CATSPERE: variants seen among roughly 807,000 people sequenced by gnomAD.
CATSPERE encodes cation channel sperm-associated auxiliary subunit epsilon.
CATSPERE carries 93 observed loss-of-function variants against 114.1 expected under a neutral mutation model. The ratio of observed to expected loss-of-function variants is 0.81; its 90% CI spans 0.69 to 0.97. The LOEUF (loss-of-function observed/expected upper bound fraction) is 0.97, where lower values mean the gene tolerates loss of function less well. Ranked by LOEUF, CATSPERE falls within the 50% of genes least tolerant of loss-of-function variation. CATSPERE has a pLI of 0.00. For synonymous variants in CATSPERE, 341 were observed against 384.1 expected (o/e 0.89, Z 1.31); for missense variants, 1,058 against 1,131.6 (o/e 0.93, Z 0.93).
chr1:244,551,489 C>G (rs1660619775), intron 8 of CATSPERE, among the ~76,000 whole-genome samples: 1 of 152,064 alleles, frequency 6.6e-6, no homozygotes, highest in Non-Finnish European at 1.5e-5. Context: ...AGAACTGGTT[C>G]AATAGTAAGC....
At position 244,639,980 on chromosome 1, in the gene CATSPERE, T is replaced by G; in HGVS notation, c.2755T>G (p.Phe919Val). The change falls in exon 22 of 22, where the codon TTC (phenylalanine) becomes GTC (valine). Residue 919 changes from phenylalanine (F) to valine (V), a missense_variant. Phe to Val is a conservative substitution (Grantham distance 50). This residue lies in a region of CATSPERE where 787 missense variants were observed against 905.6 expected (regional missense o/e 0.87). Transcript: ENST00000366534. ...SFLFVLMLLF[F>V]TILVLSYFRY... ...CCTCTTCGTCCTGATGCTGCTCTTC[T>G]TCACTATTCTTGTTTTGAGCTACTT... is the stretch of plus-strand genomic sequence containing the variant. 4 of 1,551,362 alleles carry G rather than the reference T, an allele frequency of 2.6e-6. No homozygotes were observed. Among genetic ancestry groups the G allele is most frequent in the Non-Finnish European group, 3.5e-6 (4 of 1,146,876 alleles).
intron 2 of CATSPERE, among the ~76,000 whole-genome samples, chr1:244,464,849 T>C (rs1242603763): frequency 6.6e-6 from 1 of 152,166 alleles, no homozygotes. Context: ...TGCCTTTTTC[T>C]TACTCGTTAA....
intron 8 of CATSPERE, among the ~76,000 whole-genome samples, chr1:244,529,118 T>G (rs1679191698): frequency 6.6e-6 from 1 of 152,244 alleles, no homozygotes; most frequent in Non-Finnish European, 1.5e-5. Flanking sequence ...TTGACTATTA[T>G]GAATTATGCT....
intron 5 of CATSPERE, among the ~76,000 whole-genome samples, chr1:244,489,111 T>G (rs371854426): frequency 6.6e-6 from 1 of 152,124 alleles, no homozygotes; most frequent in African/African-American, 2.4e-5. Flanking sequence ...AACATACAAA[T>G]GAATATTAGT....
chr1:244,574,413 G>A (rs1437078497), intron 11 of CATSPERE, among the ~76,000 whole-genome samples: 1 of 152,144 alleles, frequency 6.6e-6, no homozygotes, highest in African/African-American at 2.4e-5. Flanking sequence ...AAGGAAGTTA[G>A]TCTTTAAAAG....
At chr1:244,605,203 T>C (rs1020093447) in intron 17 of CATSPERE, among the ~76,000 whole-genome samples, 1 of 152,168 alleles carries the variant, frequency 6.6e-6, no homozygotes, top group African/African-American at 2.4e-5. Flanking sequence ...TAGTACATAA[T>C]AGGCAGCAAA....
chr1:244,544,300 G>A (rs1205853285), intron 8 of CATSPERE, among the ~76,000 whole-genome samples: 1 of 152,124 alleles, frequency 6.6e-6, no homozygotes, highest in African/African-American at 2.4e-5. Context: ...CAGATTACTG[G>A]CCACTGGCTC....
At chr1:244,585,077 A>G (rs1666842439) in intron 13 of CATSPERE, among the ~76,000 whole-genome samples, 1 of 143,024 alleles carries the variant, frequency 7.0e-6, no homozygotes, top group Non-Finnish European at 1.5e-5. Context: ...AGAATTTTTT[A>G]GGGATCCCTA....
chr1:244,635,701 AT>A (rs1174407187), intron 21 of CATSPERE, among the ~76,000 whole-genome samples, 159 bp downstream of exon 21: 1 of 152,188 alleles, frequency 6.6e-6, no homozygotes. Flanking sequence ...AATTATTATT[AT>A]ACAGTATATA....
chr1:244,614,867 A>C lies in CATSPERE; in HGVS notation c.2491-2662A>C, dbSNP rs182130357. On this transcript the variant is annotated intron_variant, in intron 19 of 21. Transcript: ENST00000366534. ...ATATATGCATGTAAAACTCCTCCTC[A>C]TCTTGATGGCCTACACATATTACTC... 2.0e-5 allele frequency among the ~76,000 whole-genome samples: 3 copies of C among 152,036 alleles called. No individual in the cohort carries two copies. The East Asian group carries it at 5.8e-4, about 29-fold the overall frequency.
At chr1:244,547,065 GATCCTGAAAGCAACAAGAGA>G (rs1659870680) in intron 8 of CATSPERE, among the ~76,000 whole-genome samples, 1 of 152,090 alleles carries the variant, frequency 6.6e-6, no homozygotes, top group Admixed American at 6.6e-5. Context: ...ACAAAGAGAG[GATCCTGAAAGCAACAAGAGA>G]AAAGAAGCAA....
At chr1:244,542,495 T>C (rs1659009979) in intron 8 of CATSPERE, among the ~76,000 whole-genome samples, 1 of 152,144 alleles carries the variant, frequency 6.6e-6, no homozygotes, top group Non-Finnish European at 1.5e-5. Flanking sequence ...TGTCCCTTTT[T>C]GGAGTCCCCA....
Position 244,518,611 on chromosome 1 carries a change from C to A in CATSPERE, c.449C>A (p.Thr150Lys). 1 of 1,590,876 alleles carries A rather than the reference C, an allele frequency of 6.3e-7. No homozygotes were observed. Among genetic ancestry groups the A allele is most frequent in the Non-Finnish European group, 8.6e-7 (1 of 1,161,296 alleles). ...TTACAGAATTCCATAGTACTCAGCA[C>A]ACAGATGGCCACATTGGGACAGAAG... Reference protein sequence around the residue: ...EPSINSIVLSTQMATLGQKPV... With the variant: ...EPSINSIVLSKQMATLGQKPV... Residue 150 changes from threonine (T) to lysine (K), a missense_variant, in exon 8 of 22, where the codon ACA becomes AAA. Coordinates refer to ENST00000366534, the MANE Select transcript of CATSPERE (RefSeq NM_001130957.2).
At chr1:244,555,736 AG>A (rs1661475913) in intron 9 of CATSPERE, among the ~76,000 whole-genome samples, 1 of 152,248 alleles carries the variant, frequency 6.6e-6, no homozygotes, top group Non-Finnish European at 1.5e-5. Flanking sequence ...GTAAAGTTGA[AG>A]GATATAAAAT....
At chr1:244,595,208 G>A (rs1438172179) in intron 17 of CATSPERE, among the ~76,000 whole-genome samples, 1 of 152,208 alleles carries the variant, frequency 6.6e-6, no homozygotes, top group Non-Finnish European at 1.5e-5. Flanking sequence ...CTCAGAAGCA[G>A]AAGAGTCTGA....
chr1:244,457,453 TAATG>T (rs1024902722), upstream of CATSPERE: 11 of 152,158 alleles, frequency 7.2e-5, no homozygotes, highest in Non-Finnish European at 4.4e-5. Flanking sequence ...TGTTAAAAGA[TAATG>T]AAAGGGTTTT....
At chr1:244,461,553 G>T in intron 1 of CATSPERE, 59 bp downstream of exon 1, 1 of 1,245,082 alleles carries the variant, frequency 8.0e-7, no homozygotes, top group Non-Finnish European at 1.0e-6. Flanking sequence ...GGCGGGGCAG[G>T]CGGGAGGGTC....
chr1:244,519,449 T>G (rs1329600355), intron 8 of CATSPERE, among the ~76,000 whole-genome samples: 1 of 152,222 alleles, frequency 6.6e-6, no homozygotes, highest in Non-Finnish European at 1.5e-5. Context: ...AAAAACTTGA[T>G]TCCCTGTTGG....
At chr1:244,582,169 T>C (rs1205912543) in intron 12 of CATSPERE, among the ~76,000 whole-genome samples, 1 of 152,198 alleles carries the variant, frequency 6.6e-6, no homozygotes, top group African/African-American at 2.4e-5. Context: ...AGTTTCTACA[T>C]ACCATCACTA....
Sources: allele counts gnomAD v4.1 joint callset (sites outside exome capture counted in the v4.1 genomes callset), GRCh38; gene constraint gnomAD v4.1.1; regional missense constraint gnomAD v4.1.1; transcripts MANE v1.5; gene names NCBI Gene and HGNC (gene_info 2026-07-23, HGNC 2026-07-21).